The following COG5 variants were observed in gnomAD, a reference collection of about 807,000 sequenced individuals.
COG5 encodes conserved oligomeric Golgi complex subunit 5.
A neutral mutation model predicts 110.4 loss-of-function variants in COG5; 86 were observed. The observed-to-expected ratio is 0.78, with a 90% CI of 0.65 to 0.93. COG5 has a LOEUF of 0.93. Ranked by LOEUF, COG5 falls within the 40% of genes least tolerant of loss-of-function variation. The pLI is 0.00. For missense variants in COG5, 1,077 were observed against 987.0 expected (o/e 1.09, Z -1.22); for synonymous variants, 360 against 334.6 (o/e 1.08, Z -0.83).
chr7:107,479,366 T>C (rs1436105968), intron 6 of COG5, among the ~76,000 whole-genome samples: 1 of 151,790 alleles, frequency 6.6e-6, no homozygotes, highest in Non-Finnish European at 1.5e-5. Context: ...AATTACAAGG[T>C]GAAAAAATGA....
intron 14 of COG5, among the ~76,000 whole-genome samples, chr7:107,264,319 A>G (rs1803614280): frequency 6.6e-6 from 1 of 152,190 alleles, no homozygotes; most frequent in African/African-American, 2.4e-5. Context: ...TCTAGTCACG[A>G]GATACTAAGG....
intron 8 of COG5, among the ~76,000 whole-genome samples, chr7:107,370,198 T>C (rs986377965): frequency 6.6e-6 from 1 of 152,176 alleles, no homozygotes. Flanking sequence ...GTCAATCTCC[T>C]GTGTAGTGGT....
rs1314159288 is a variant in COG5, at chr7:107,554,286, T to C, written c.291A>G (p.Glu97=). Residue 97 remains glutamate (E), a splice_region_variant and synonymous_variant, in exon 3 of 22, where the codon GAA becomes GAG. Transcript: ENST00000297135. ...CTCTAGCAGTTATTAGAAATATACC[T>C]TCCAACGACTCAATCCCAGTTGCTT... ...LAQATGIESL[E]GVLQMMQTRI... The C allele has an allele frequency of 1.2e-6, 2 of 1,613,536 alleles. No individual in the cohort carries two copies. Among genetic ancestry groups the C allele is most frequent in the Non-Finnish European group, 1.7e-6 (2 of 1,179,606 alleles).
rs532541138 is a variant in COG5, at chr7:107,506,567, A to T, written c.538+20670T>A. ...AGAGAATTGTATGTAGGGAGTGGGA[A>T]GTAACAGGTGATAGTAAACCCCACC... On this transcript the variant is annotated intron_variant, in intron 6 of 21. Coordinates refer to ENST00000297135, the MANE Select transcript of COG5 (RefSeq NM_006348.5). Among the ~76,000 whole-genome samples, 30 of 152,290 alleles carry T rather than the reference A, an allele frequency of 2.0e-4. No individual in the cohort carries two copies. The South Asian group carries it at 6.0e-3, about 30-fold the overall frequency.
At chr7:107,525,742 C>T (rs1192605352) in intron 6 of COG5, among the ~76,000 whole-genome samples, 1 of 151,894 alleles carries the variant, frequency 6.6e-6, no homozygotes, top group Non-Finnish European at 1.5e-5. Flanking sequence ...ATTTCCTTTA[C>T]TTCTCAATTT....
Position 107,281,349 on chromosome 7 carries a change from T to C in COG5, c.1526A>G (p.Lys509Arg), listed in dbSNP as rs772886519. 49 of 1,613,478 alleles carry C rather than the reference T, an allele frequency of 3.0e-5. No individual in the cohort carries two copies. In the Middle Eastern group the frequency reaches 4.9e-4, roughly 16 times the overall value. Residue 509 changes from lysine to arginine, a missense_variant, in exon 14 of 22, where the codon AAA becomes AGA. Lys to Arg is a conservative substitution (Grantham distance 26). Coordinates refer to ENST00000297135, the MANE Select transcript of COG5 (RefSeq NM_006348.5). Reference protein sequence around the residue: ...VDTNLTLAVSKNVAKTIQLYS... With the variant: ...VDTNLTLAVSRNVAKTIQLYS... ...TAACTGGATGGTCTTTGCCACATTTTTTGACACAGCTAATGTGAGGTTTGT... is the reference window on the plus strand; with the variant it reads ...TAACTGGATGGTCTTTGCCACATTTCTTGACACAGCTAATGTGAGGTTTGT...
At chr7:107,499,949 C>T (rs1447451119) in intron 6 of COG5, among the ~76,000 whole-genome samples, 2 of 152,066 alleles carry the variant, frequency 1.3e-5, no homozygotes, top group East Asian at 3.9e-4. Flanking sequence ...CACGTTTAAA[C>T]CATTACGTAA....
chr7:107,219,197 T>C lies in COG5; in HGVS notation c.2169-7972A>G, dbSNP rs916640505. On this transcript the variant is annotated intron_variant, in intron 19 of 21. Coordinates refer to ENST00000297135, the MANE Select transcript of COG5 (RefSeq NM_006348.5). ...TATTTAAAAAAATGAAAGATTGTGG[T>C]GAGAGTGTGGGGGAAAAGGGAACCC... Among the ~76,000 whole-genome samples, 4 of 152,118 alleles carry C rather than the reference T, an allele frequency of 2.6e-5. No individual in the cohort carries two copies. In the South Asian group the frequency reaches 8.3e-4, roughly 32 times the overall value.
chr7:107,488,488 A>G (rs917840060), intron 6 of COG5, among the ~76,000 whole-genome samples: 1 of 152,064 alleles, frequency 6.6e-6, no homozygotes, highest in Non-Finnish European at 1.5e-5. Context: ...TTCCCTTGTA[A>G]TATTTTGAAG....
intron 6 of COG5, among the ~76,000 whole-genome samples, chr7:107,503,981 C>T (rs1798804675): frequency 6.6e-6 from 1 of 152,078 alleles, no homozygotes; most frequent in Admixed American, 6.5e-5. Context: ...AAGCCCTTTA[C>T]TTCCTTCTCT....
At chr7:107,392,273 T>C (rs977842380) in intron 7 of COG5, among the ~76,000 whole-genome samples, 5 of 152,262 alleles carry the variant, frequency 3.3e-5, no homozygotes, top group Non-Finnish European at 7.4e-5. Flanking sequence ...AACAATAGTT[T>C]CTCTGCTGCA....
chr7:107,362,305 T>C lies in COG5; in HGVS notation c.948+3A>G. On this transcript the variant is annotated splice_donor_region_variant and intron_variant, in intron 9 of 21. Transcript: ENST00000297135. Reference sequence around the variant, plus strand: ...TGTTTTTTCCACTCCTTCAAATATTTACCTGTCCACAAACAGCATAAATAT... The same window carrying C: ...TGTTTTTTCCACTCCTTCAAATATTCACCTGTCCACAAACAGCATAAATAT... 16 of 1,591,954 alleles carry C rather than the reference T, an allele frequency of 1.0e-5. No homozygotes were observed. Among genetic ancestry groups the C allele is most frequent in the Non-Finnish European group, 1.4e-5 (16 of 1,160,128 alleles).
chr7:107,236,660 A>T lies in COG5; in HGVS notation c.1881T>A (p.Asp627Glu). 1 of 1,614,098 alleles carries T rather than the reference A, an allele frequency of 6.2e-7. No individual in the cohort carries two copies. Among genetic ancestry groups the T allele is most frequent in the Non-Finnish European group, 8.5e-7 (1 of 1,179,940 alleles). The change falls in exon 18 of 22, where the codon GAT becomes GAA. Residue 627 changes from aspartate (D) to glutamate (E), a missense_variant. Coordinates refer to ENST00000297135, the MANE Select transcript of COG5 (RefSeq NM_006348.5). ...CCTTCATGTACAGAGAACAAGGAACATCAGGTTTTCCTGAGCTGGATAATG... is the reference window on the plus strand; with the variant it reads ...CCTTCATGTACAGAGAACAAGGAACTTCAGGTTTTCCTGAGCTGGATAATG... ...SGSLSSSGKP[D>E]VPCSLYMKEL...
At chr7:107,323,979 G>T (rs1298500098) in intron 11 of COG5, among the ~76,000 whole-genome samples, 1 of 152,184 alleles carries the variant, frequency 6.6e-6, no homozygotes, top group East Asian at 1.9e-4. Context: ...ATATTTGAAT[G>T]ACCAACTTTT....
chr7:107,322,610 T>C (rs1439766760), intron 11 of COG5, among the ~76,000 whole-genome samples: 7 of 152,290 alleles, frequency 4.6e-5, no homozygotes, highest in Admixed American at 3.9e-4. Context: ...CAACTGGAAC[T>C]ATCACACATT....
intron 5 of COG5, among the ~76,000 whole-genome samples, chr7:107,532,712 A>C (rs1801301498): frequency 6.6e-6 from 1 of 152,226 alleles, no homozygotes; most frequent in Non-Finnish European, 1.5e-5. Context: ...TCAAGGACAC[A>C]GGAGATAACA....
chr7:107,509,766 T>A (rs1452078833), intron 6 of COG5, among the ~76,000 whole-genome samples: 3 of 152,148 alleles, frequency 2.0e-5, no homozygotes, highest in African/African-American at 7.2e-5. Flanking sequence ...AGAAAAGAAT[T>A]TTCAACCCAG....
At chr7:107,352,481 A>T (rs1490281038) in intron 10 of COG5, among the ~76,000 whole-genome samples, 1 of 151,798 alleles carries the variant, frequency 6.6e-6, no homozygotes, top group South Asian at 2.1e-4. Flanking sequence ...TGAAAAAAAA[A>T]ATGGTCCTTT....
intron 21 of COG5, among the ~76,000 whole-genome samples, chr7:107,206,430 T>C (rs1382873256): frequency 1.3e-5 from 2 of 152,210 alleles, no homozygotes; most frequent in African/African-American, 4.8e-5. Context: ...TGAATGGAGA[T>C]ATTTTTCTAT....
Sources: allele counts gnomAD v4.1 joint callset (sites outside exome capture counted in the v4.1 genomes callset), GRCh38; gene constraint gnomAD v4.1.1; transcripts MANE v1.5; gene names NCBI Gene and HGNC (gene_info 2026-07-23, HGNC 2026-07-21).